The following ATRX variants were observed in gnomAD, a reference collection of about 807,000 sequenced individuals.
ATRX encodes the protein chromatin remodeler ATRX.
Under a neutral mutation model 172.6 loss-of-function variants are expected in ATRX, and 12 were observed. The observed-to-expected ratio is 0.07, with a 90% CI of 0.04 to 0.11. ATRX has a LOEUF of 0.11. Among genes scored for constraint, ATRX ranks in the 10% least tolerant of loss-of-function variants. The probability of loss-of-function intolerance (pLI) is 1.00; values close to 1 mark genes in which losing one functional copy is unlikely to be tolerated. For missense variants in ATRX, 1,368 were observed against 1,767.4 expected, an observed-to-expected ratio of 0.77 and a Z score of 4.05; for synonymous variants, 674 against 594.7, an observed-to-expected ratio of 1.13 and a Z score of -1.94.
intron 14 of ATRX, 126 bp downstream of exon 14, chrX:77,653,972 C>G: frequency 1.9e-6 from 1 of 534,924 alleles, no homozygotes; most frequent in Non-Finnish European, 3.1e-6. Context: ...CCAATCCTTC[C>G]ACAAGTGTAA....
chrX:77,616,608 T>G lies in ATRX; in HGVS notation c.5566+5A>C, dbSNP rs782212670. On this transcript the variant is annotated splice_donor_5th_base_variant and intron_variant, in intron 22 of 34. Coordinates refer to ENST00000373344, the MANE Select transcript of ATRX (RefSeq NM_000489.6). ...AAGATGAAATCAACAAGGTGTATTG[T>G]TTACCTGTTAAGTGATCTAAGTAGT... 171 of 1,166,467 alleles carry G rather than the reference T, an allele frequency of 1.5e-4. 1 individual carries two copies. In the South Asian group the frequency reaches 2.9e-3, roughly 20 times the overall value.
At chrX:77,681,295 A>G (rs1557136628) in intron 9 of ATRX, among the ~76,000 whole-genome samples, 3 of 111,905 alleles carry the variant, frequency 2.7e-5, no homozygotes, top group Non-Finnish European at 5.6e-5. Flanking sequence ...TTACTCAACA[A>G]ATTTGAGATC....
intron 34 of ATRX, among the ~76,000 whole-genome samples, chrX:77,511,965 A>G (rs1317913761): frequency 8.9e-6 from 1 of 111,803 alleles, no homozygotes; most frequent in African/African-American, 3.3e-5. Context: ...ATATTCAAGA[A>G]AAAGAAGGTT....
chrX:77,723,054 C>G (rs782766948), intron 1 of ATRX, among the ~76,000 whole-genome samples: 11 of 111,567 alleles, frequency 9.9e-5, no homozygotes, highest in Non-Finnish European at 2.1e-4. Context: ...ATGGATGGAG[C>G]TGGAAACCAT....
At chrX:77,527,993 A>G in intron 30 of ATRX, among the ~76,000 whole-genome samples, 1 of 82,528 alleles carries the variant, frequency 1.2e-5, no homozygotes, top group Admixed American at 1.8e-4. Context: ...AGGACTTCCC[A>G]TGCAGGGTCA....
intron 12 of ATRX, among the ~76,000 whole-genome samples, chrX:77,658,422 C>T (rs2069671025): frequency 8.9e-6 from 1 of 112,030 alleles, no homozygotes; most frequent in African/African-American, 3.2e-5. Flanking sequence ...GGAATTGTCA[C>T]AGGCTGAAGT....
intron 1 of ATRX, 118 bp from the exon 2 acceptor site, chrX:77,717,361 T>C: frequency 1.8e-6 from 1 of 567,047 alleles, no homozygotes; most frequent in Non-Finnish European, 2.9e-6. Context: ...AGTATGCACA[T>C]TCAAAGTAAA....
intron 28 of ATRX, among the ~76,000 whole-genome samples, chrX:77,569,759 T>C (rs1286256085): frequency 2.7e-5 from 3 of 112,166 alleles, no homozygotes; most frequent in Non-Finnish European, 5.6e-5. Flanking sequence ...GATCAACTAA[T>C]GGAGACATAC....
chrX:77,653,696 T>C (rs888800094), intron 14 of ATRX, among the ~76,000 whole-genome samples: 1 of 111,707 alleles, frequency 9.0e-6, no homozygotes, highest in Non-Finnish European at 1.9e-5. Flanking sequence ...GTTGACAGAA[T>C]CAAACATATT....
At chrX:77,567,367 C>T (rs1336880436) in intron 28 of ATRX, among the ~76,000 whole-genome samples, 1 of 111,456 alleles carries the variant, frequency 9.0e-6, no homozygotes, top group African/African-American at 3.3e-5. Context: ...AAGAAACTCA[C>T]TTCAAATACA....
chrX:77,516,104 C>T (rs1017670168), intron 34 of ATRX, among the ~76,000 whole-genome samples: 1 of 111,439 alleles, frequency 9.0e-6, no homozygotes, highest in African/African-American at 3.3e-5. Context: ...GGGAGATGAT[C>T]AGGAAAAATA....
chrX:77,618,724 TTAA>T, intron 21 of ATRX, 79 bp downstream of exon 21: 2 of 982,483 alleles, frequency 2.0e-6, no homozygotes, highest in Non-Finnish European at 2.9e-6. Context: ...CACAAAATTA[TTAA>T]ACTTTAAGCT....
At chrX:77,572,816 C>T (rs1230096960) in intron 28 of ATRX, among the ~76,000 whole-genome samples, 3 of 111,291 alleles carry the variant, frequency 2.7e-5, no homozygotes, top group Admixed American at 1.9e-4. Flanking sequence ...TCAAATCATC[C>T]CTTTGTAAGC....
chrX:77,556,569 A>G (rs1490749355), intron 30 of ATRX, among the ~76,000 whole-genome samples: 2 of 111,184 alleles, frequency 1.8e-5, no homozygotes, highest in East Asian at 2.9e-4. Context: ...TGTAAACCTT[A>G]AAGTTTTCCA....
intron 20 of ATRX, 80 bp from the exon 21 acceptor site, chrX:77,619,061 T>C: frequency 1.5e-6 from 1 of 671,986 alleles, no homozygotes; most frequent in East Asian, 3.3e-5. Context: ...GAAATGCTCA[T>C]GTCAAAAACA....
chrX:77,519,985 C>T (rs781822971), intron 34 of ATRX, among the ~76,000 whole-genome samples: 33 of 111,910 alleles, frequency 2.9e-4, no homozygotes, highest in Non-Finnish European at 5.8e-4. Context: ...TAAAAAAGAA[C>T]GAGATACTGC....
chrX:77,647,052 T>C, intron 15 of ATRX, among the ~76,000 whole-genome samples: 1 of 111,160 alleles, frequency 9.0e-6, no homozygotes, highest in Non-Finnish European at 1.9e-5. Context: ...CAAAAAAGCC[T>C]TAATAAATAT....
At chrX:77,694,129 T>G (rs1379461863) in intron 5 of ATRX, among the ~76,000 whole-genome samples, 192 bp from the exon 6 acceptor site, 2 of 112,146 alleles carry the variant, frequency 1.8e-5, no homozygotes. Flanking sequence ...AACAGTTTAT[T>G]TGTTGAAATA....
intron 30 of ATRX, among the ~76,000 whole-genome samples, chrX:77,527,657 A>AGGAAG (rs1218232765): frequency 9.0e-6 from 1 of 111,257 alleles, no homozygotes; most frequent in Admixed American, 9.5e-5. Context: ...ATACATCCCT[A>AGGAAG]GGAAGGGGTC....
Sources: gnomAD v4.1 joint callset for allele counts (sites outside exome capture counted in the v4.1 genomes callset) on GRCh38, gnomAD v4.1.1 for gene constraint, MANE v1.5 for transcripts, NCBI Gene and HGNC (gene_info 2026-07-23, HGNC 2026-07-21) for gene names.